Variants in BLM observed in about 807,000 individuals in gnomAD.
BLM encodes BLM RecQ like helicase.
BLM carries 95 observed loss-of-function variants against 135.3 expected under a neutral mutation model. The ratio of observed to expected loss-of-function variants is 0.70; its 90% CI spans 0.59 to 0.83. The LOEUF (loss-of-function observed/expected upper bound fraction) is 0.83, where lower values mean the gene tolerates loss of function less well. BLM is among the 40% of genes least tolerant of loss of function. The probability of loss-of-function intolerance (pLI) is 0.00; values close to 1 mark genes in which losing one functional copy is unlikely to be tolerated. For missense variants in BLM, 1,518 were observed against 1,663.9 expected, an observed-to-expected ratio of 0.91 and a Z score of 1.53; for synonymous variants, 520 against 589.2, an observed-to-expected ratio of 0.88 and a Z score of 1.70.
Position 90,747,998 on chromosome 15 carries a change from C to T in BLM, c.98+508C>T, listed in dbSNP as rs777332313. On this transcript the variant is annotated intron_variant, in intron 2 of 21. Coordinates refer to ENST00000355112, the MANE Select transcript of BLM (RefSeq NM_000057.4). ...AATTTTTTTTTGTATTTTTTAGAGA[C>T]GGTTTCACCTTGTTAGCCAGGATGG... Among the ~76,000 whole-genome samples, 8 of 150,988 alleles carry T rather than the reference C, an allele frequency of 5.3e-5. No individual in the cohort carries two copies. In the South Asian group the frequency reaches 6.3e-4, roughly 12 times the overall value.
chr15:90,731,289 T>C (rs1895063755), intron 1 of BLM, among the ~76,000 whole-genome samples: 2 of 152,350 alleles, frequency 1.3e-5, no homozygotes, highest in South Asian at 4.1e-4. Flanking sequence ...ACATATTGTT[T>C]GGGACTTTTG....
At position 90,751,846 on chromosome 15, in the gene BLM, C is replaced by G. The variant is rs746748670; in HGVS notation, c.859C>G (p.Pro287Ala). Residue 287 changes from proline (P) to alanine (A), a missense_variant, in exon 4 of 22, where the codon CCA (proline) becomes GCA (alanine). Pro to Ala is a conservative substitution (Grantham distance 27). Around this residue, in one of 5 missense-constraint regions of BLM, gnomAD observed 724 missense variants for 756.9 expected, o/e 0.96. Coordinates refer to ENST00000355112, the MANE Select transcript of BLM (RefSeq NM_000057.4). ...TGAATTACATTCAACTGAGAAAGTT[C>G]CATGTATTGAATTTGATGATGATGA... ...EAELHSTEKV[P>A]CIEFDDDDYD... is the part of the protein sequence containing the mutation. 4 of 1,612,434 alleles carry G rather than the reference C, an allele frequency of 2.5e-6. No individual in the cohort carries two copies. In the South Asian group the frequency reaches 4.4e-5, roughly 18 times the overall value.
rs34940723 is a variant in BLM at position 90,816,080 on chromosome 15, C to CAAAAAAAAA, written c.*812_*820dup. The CAAAAAAAAA allele has an allele frequency of 1.0e-5, 1 of 96,522 alleles. No homozygotes were observed. The allele number at this position is 96,522 out of a possible 1,614,324, so 6.0% of individuals were successfully genotyped here. A position where few individuals can be genotyped will look rare whatever the true frequency, so the allele number is the denominator to read the frequency against. On this transcript the variant is annotated 3_prime_UTR_variant, in exon 22 of 22. Coordinates refer to ENST00000355112, the MANE Select transcript of BLM (RefSeq NM_000057.4). The stretch of plus-strand genomic sequence containing the variant: ...TGGGTGACAGAGCAAGACTCCGTCT[C>CAAAAAAAAA]AAAAAAAAAAAAAAAAAAAGAAATA...
At chr15:90,798,585 G>C (rs976161321) in intron 17 of BLM, among the ~76,000 whole-genome samples, 1 of 152,206 alleles carries the variant, frequency 6.6e-6, no homozygotes, top group Non-Finnish European at 1.5e-5. Flanking sequence ...ATCTGAGTGG[G>C]TGGAATGTAA....
intron 12 of BLM, among the ~76,000 whole-genome samples, chr15:90,775,440 A>G (rs777957987): frequency 6.0e-5 from 9 of 149,436 alleles, no homozygotes; most frequent in Non-Finnish European, 1.0e-4. Context: ...ATATATACAT[A>G]TATGTTTTAA....
At chr15:90,753,924 TATA>T (rs1753079360) in intron 4 of BLM, among the ~76,000 whole-genome samples, 1 of 152,240 alleles carries the variant, frequency 6.6e-6, no homozygotes, top group Non-Finnish European at 1.5e-5. Context: ...TTTCTTTAAT[TATA>T]ATGTTATTGT....
rs780472557 is a variant in BLM, at chr15:90,749,719, A to G, written c.451A>G (p.Ile151Val). The change falls in exon 3 of 22, where the codon ATC becomes GTC. Residue 151 changes from isoleucine to valine, a missense_variant. Ile to Val is a conservative substitution (Grantham distance 29). This residue lies in a region of BLM where 724 missense variants were observed against 756.9 expected (regional missense o/e 0.96). Coordinates refer to ENST00000355112, the MANE Select transcript of BLM (RefSeq NM_000057.4). ...FSSSPDSLST[I>V]NDWDDMDDFD... is the part of the protein sequence containing the mutation. The stretch of plus-strand genomic sequence containing the variant: ...TTCTTCACCAGATTCTTTAAGTACC[A>G]TCAATGATTGGGATGATATGGATGA... 1.7e-5 allele frequency: 27 copies of G among 1,614,096 alleles called. No individual in the cohort carries two copies. Among genetic ancestry groups the G allele is most frequent in the Middle Eastern group, 1.6e-4 (1 of 6,084 alleles).
intron 1 of BLM, among the ~76,000 whole-genome samples, chr15:90,734,400 G>T (rs1258929474): frequency 6.6e-6 from 1 of 151,462 alleles, no homozygotes; most frequent in Non-Finnish European, 1.5e-5. Flanking sequence ...CCATTCTCCT[G>T]CCTCAGCCTC....
intron 1 of BLM, among the ~76,000 whole-genome samples, chr15:90,734,292 CT>C (rs57619459): frequency 1.8e-3 from 257 of 144,498 alleles, no homozygotes; most frequent in Admixed American, 2.0e-3. Flanking sequence ...ATCAATACTT[CT>C]TTTTTTTTTT....
At chr15:90,776,668 T>C (rs1896485028) in intron 12 of BLM, among the ~76,000 whole-genome samples, 1 of 152,056 alleles carries the variant, frequency 6.6e-6, no homozygotes, top group Non-Finnish European at 1.5e-5. Context: ...ACTACAGGCG[T>C]GCACCACCAT....
intron 15 of BLM, 108 bp downstream of exon 15, chr15:90,790,952 G>A: frequency 2.7e-6 from 3 of 1,099,690 alleles, no homozygotes; most frequent in Middle Eastern, 2.9e-4. Context: ...AATAATCGTA[G>A]AAAAATAGAG....
In BLM at chr15:90,760,653, T is replaced by G. The variant is rs750960910; in HGVS notation, c.1280T>G (p.Leu427Trp). The G allele has an allele frequency of 5.6e-6, 9 of 1,613,416 alleles. No homozygotes were observed. The highest frequency in any genetic ancestry group is 6.8e-6 in the Non-Finnish European group (8 of 1,179,450). The change falls in exon 7 of 22, where the codon TTG (leucine) becomes TGG (tryptophan). Residue 427 changes from leucine to tryptophan, a missense_variant. Physicochemically the swap from Leu to Trp is moderately conservative, Grantham distance 61. Coordinates refer to ENST00000355112, the MANE Select transcript of BLM (RefSeq NM_000057.4). ...AGTGATGCCAGTCTTCTTGGCTCAT[T>G]GTGGAGATACAGGCCTGATTCACTT... ...NKSDASLLGS[L>W]WRYRPDSLDG...
chr15:90,804,730 G>T (rs28745036), intron 19 of BLM, among the ~76,000 whole-genome samples: 12,862 of 152,194 alleles, frequency 0.085, 859 homozygotes, highest in African/African-American at 0.18. Flanking sequence ...CTGCCAGAGT[G>T]CTGGGATTAC....
chr15:90,790,881 T>C, intron 15 of BLM, 37 bp downstream of exon 15: 1 of 1,576,990 alleles, frequency 6.3e-7, no homozygotes, highest in Non-Finnish European at 8.7e-7. Context: ...TTCTGTCATC[T>C]TCAGCCTCAT....
At chr15:90,761,748 C>T (rs1207221213) in intron 7 of BLM, among the ~76,000 whole-genome samples, 1 of 152,136 alleles carries the variant, frequency 6.6e-6, no homozygotes, top group African/African-American at 2.4e-5. Flanking sequence ...AGTCAAACTA[C>T]TTCTTTGGGT....
intron 1 of BLM, among the ~76,000 whole-genome samples, chr15:90,731,837 A>G (rs7164628): frequency 0.26 from 39,966 of 151,478 alleles, 5,362 homozygotes; most frequent in East Asian, 0.45. Flanking sequence ...TTATTTATTT[A>G]TTTTGAGACC....
chr15:90,769,366 T>C, intron 11 of BLM, 72 bp from the exon 12 acceptor site: 1 of 1,584,942 alleles, frequency 6.3e-7, no homozygotes. Flanking sequence ...TCTTAATACA[T>C]TGAGCAGTGT....
At chr15:90,776,337 C>T (rs1254841630) in intron 12 of BLM, among the ~76,000 whole-genome samples, 2 of 152,126 alleles carry the variant, frequency 1.3e-5, no homozygotes, top group African/African-American at 4.8e-5. Context: ...AAAAGCTTTA[C>T]CAATACTTAC....
chr15:90,756,822 C>G (rs1488338432), intron 5 of BLM, among the ~76,000 whole-genome samples: 1 of 152,210 alleles, frequency 6.6e-6, no homozygotes, highest in Non-Finnish European at 1.5e-5. Context: ...GGGACATTGA[C>G]TCTAGAGTCC....
Sources: gnomAD v4.1 joint callset for allele counts (sites outside exome capture counted in the v4.1 genomes callset) on GRCh38, gnomAD v4.1.1 for gene constraint, gnomAD v4.1.1 regional missense constraint, MANE v1.5 for transcripts, NCBI Gene and HGNC (gene_info 2026-07-23, HGNC 2026-07-21) for gene names.